The following PLXNA4 variants were observed in gnomAD, a reference collection of about 807,000 sequenced individuals.
The protein encoded by PLXNA4 is plexin A4.
A neutral mutation model predicts 191.8 loss-of-function variants in PLXNA4; 44 were observed. That is an observed-to-expected ratio of 0.23 (90% CI 0.18 to 0.29). PLXNA4 has a LOEUF of 0.29. PLXNA4 is among the 10% of genes least tolerant of loss of function. The pLI, the probability that PLXNA4 is intolerant of heterozygous loss-of-function variation, is 1.00. For synonymous variants in PLXNA4, 1,082 were observed against 1,009.5 expected (o/e 1.07, Z -1.36); for missense variants, 1,800 against 2,488.8 (o/e 0.72, Z 5.89).
In PLXNA4 at chr7:132,447,347, A is replaced by G. The variant is rs1411720293; in HGVS notation, c.1371+41945T>C. Among the ~76,000 whole-genome samples the G allele has an allele frequency of 6.6e-5, 10 of 152,254 alleles. No homozygotes were observed. In the South Asian group the frequency reaches 1.7e-3, roughly 25 times the overall value. On this transcript the variant is annotated intron_variant, in intron 3 of 31. Coordinates refer to ENST00000321063, the MANE Select transcript of PLXNA4 (RefSeq NM_020911.2). ...ATACCTCAGTCCTTCAAGATTCTCAATGGGAAGGGAAGGAGGGGAAAACTG... is the reference window on the plus strand; with the variant it reads ...ATACCTCAGTCCTTCAAGATTCTCAGTGGGAAGGGAAGGAGGGGAAAACTG...
Position 132,480,525 on chromosome 7 carries a change from C to T in PLXNA4, c.1371+8767G>A, listed in dbSNP as rs370181165. 3.9e-5 allele frequency among the ~76,000 whole-genome samples: 6 copies of T among 152,004 alleles called. No individual in the cohort carries two copies. In the East Asian group the frequency reaches 1.2e-3, roughly 29 times the overall value. On this transcript the variant is annotated intron_variant, in intron 3 of 31. Coordinates refer to ENST00000321063, the MANE Select transcript of PLXNA4 (RefSeq NM_020911.2). The stretch of plus-strand genomic sequence containing the variant: ...ACCACAGCACACAGTCCCACAGGCT[C>T]TAGGAGGGACAATTCCGGTGAGAAA...
chr7:132,192,165 C>T (rs1296666167), intron 14 of PLXNA4, among the ~76,000 whole-genome samples: 3 of 152,170 alleles, frequency 2.0e-5, no homozygotes, highest in Non-Finnish European at 4.4e-5. Flanking sequence ...TAAGGTTTGG[C>T]CCTGACCATG....
intron 28 of PLXNA4, among the ~76,000 whole-genome samples, chr7:132,146,268 T>C (rs1584761402): frequency 6.6e-6 from 1 of 151,736 alleles, no homozygotes; most frequent in Non-Finnish European, 1.5e-5. Context: ...GGAGAAGGGG[T>C]AGAAACAAAT....
rs561289856 is a variant in PLXNA4 at position 132,128,825 on chromosome 7, C to G, written c.*1654G>C. 2 of 152,202 alleles carry G rather than the reference C, an allele frequency of 1.3e-5. No homozygotes were observed. Among genetic ancestry groups the G allele is most frequent in the Non-Finnish European group, 2.9e-5 (2 of 68,052 alleles). The allele number at this position is 152,202 out of a possible 1,614,324, so 9.4% of individuals were successfully genotyped here. On this transcript the variant is annotated 3_prime_UTR_variant, in exon 32 of 32. Coordinates refer to ENST00000321063, the MANE Select transcript of PLXNA4 (RefSeq NM_020911.2). ...CTGTGAATCCTTCTCCTCAACCTCA[C>G]CTAAGATGTTTCTCCTTGTCTCCCA...
At chr7:132,563,001 C>T (rs1585347891) in intron 1 of PLXNA4, among the ~76,000 whole-genome samples, 2 of 79,076 alleles carry the variant, frequency 2.5e-5, no homozygotes, top group African/African-American at 9.7e-5. Context: ...CCTCCTCCTC[C>T]TTCTCCTCCT....
chr7:132,330,512 G>A (rs1395769821), intron 3 of PLXNA4, among the ~76,000 whole-genome samples: 1 of 152,232 alleles, frequency 6.6e-6, no homozygotes, highest in Admixed American at 6.5e-5. Flanking sequence ...TCCTGTAGGA[G>A]TCCTGAGTAC....
chr7:132,349,210 G>A (rs1585021406), intron 3 of PLXNA4, among the ~76,000 whole-genome samples: 1 of 152,004 alleles, frequency 6.6e-6, no homozygotes, highest in East Asian at 1.9e-4. Flanking sequence ...TCTTTTAACA[G>A]CACCTTTCAA....
chr7:132,617,638 C>A (rs1466572287), intron 2 of PLXNA4, among the ~76,000 whole-genome samples: 2 of 152,130 alleles, frequency 1.3e-5, no homozygotes, highest in Non-Finnish European at 2.9e-5. Context: ...GGCTTCCTCC[C>A]ATGAAATCTA....
chr7:132,484,488 A>G (rs1389152829), intron 3 of PLXNA4, among the ~76,000 whole-genome samples: 2 of 152,230 alleles, frequency 1.3e-5, no homozygotes, highest in East Asian at 3.8e-4. Context: ...GAAAATGCAG[A>G]CACAATATAG....
intron 3 of PLXNA4, among the ~76,000 whole-genome samples, chr7:132,445,292 C>A (rs1192394809): frequency 3.3e-5 from 5 of 151,764 alleles, no homozygotes; most frequent in African/African-American, 9.7e-5. Flanking sequence ...ATTTCTCGAG[C>A]AGATGCAAAG....
intron 25 of PLXNA4, among the ~76,000 whole-genome samples, chr7:132,155,335 G>A (rs963065802): frequency 1.3e-5 from 2 of 152,212 alleles, no homozygotes; most frequent in Non-Finnish European, 2.9e-5. Flanking sequence ...CTCCATCTGT[G>A]CAGGGGAAGA....
intron 4 of PLXNA4, among the ~76,000 whole-genome samples, chr7:132,267,647 T>C (rs1385821486): frequency 6.6e-6 from 1 of 152,192 alleles, no homozygotes. Context: ...AGCTCTGCCA[T>C]TGGCTTCTTA....
At chr7:132,198,937 T>C (rs1316323885) in intron 12 of PLXNA4, among the ~76,000 whole-genome samples, 1 of 152,106 alleles carries the variant, frequency 6.6e-6, no homozygotes, top group Non-Finnish European at 1.5e-5. Context: ...TCGTAGAAAA[T>C]TGGGATTCAT....
At position 132,365,373 on chromosome 7, in the gene PLXNA4, A is replaced by G. The variant is rs147714598; in HGVS notation, c.1372-67151T>C. 4.8e-3 allele frequency among the ~76,000 whole-genome samples: 351 copies of G among 72,686 alleles called. 4 individuals carry two copies. Among genetic ancestry groups the G allele is most frequent in the Admixed American group, 0.029 (202 of 6,886 alleles). 47.7% of individuals were successfully genotyped at this position (72,686 alleles called of 152,430 possible). On this transcript the variant is annotated intron_variant, in intron 3 of 31. Transcript: ENST00000321063. ...TGTGTGTGTGTGTGCGTGCGCGCGC[A>G]TGCATGGGGCAAGAGTGTGATGGTG...
At chr7:132,224,136 C>A (rs893943053) in intron 8 of PLXNA4, among the ~76,000 whole-genome samples, 1 of 152,176 alleles carries the variant, frequency 6.6e-6, no homozygotes, top group Non-Finnish European at 1.5e-5. Context: ...CCCTTTACCC[C>A]AGGAAACCAA....
At position 132,381,977 on chromosome 7, in the gene PLXNA4, A is replaced by G. The variant is rs79989125; in HGVS notation, c.1372-83755T>C. 5.0e-3 allele frequency among the ~76,000 whole-genome samples: 759 copies of G among 152,264 alleles called. 11 individuals carry two copies. Among genetic ancestry groups the G allele is most frequent in the African/African-American group, 0.017 (716 of 41,532 alleles). ...CTGTTAGTCATTCCAGTTTCTCTCA[A>G]TCAATTATTCACACTCCTGTTTGCT... On this transcript the variant is annotated intron_variant, in intron 3 of 31. Transcript: ENST00000321063.
Position 132,530,609 on chromosome 7 carries a change from A to G in PLXNA4, c.-86-21830T>C, listed in dbSNP as rs187422824. On this transcript the variant is annotated intron_variant, in intron 1 of 31. Transcript: ENST00000321063. The stretch of plus-strand genomic sequence containing the variant: ...GTAACAAGTATTGGTGAAGATGTGG[A>G]AAAATGGGAACTCTTGGATACTGCT... Among the ~76,000 whole-genome samples the G allele has an allele frequency of 2.0e-5, 3 of 152,356 alleles. No individual in the cohort carries two copies. In the East Asian group the frequency reaches 5.8e-4, roughly 29 times the overall value.
chr7:132,390,700 C>T (rs1211575796), intron 3 of PLXNA4, among the ~76,000 whole-genome samples: 1 of 152,058 alleles, frequency 6.6e-6, no homozygotes, highest in Non-Finnish European at 1.5e-5. Flanking sequence ...CCCATGAGTC[C>T]CAGCCCCCTT....
At chr7:132,414,393 C>CT (rs1346862865) in intron 3 of PLXNA4, among the ~76,000 whole-genome samples, 1 of 152,072 alleles carries the variant, frequency 6.6e-6, no homozygotes, top group Non-Finnish European at 1.5e-5. Context: ...ATCATGTAAC[C>CT]TTTTTGCTGC....
Sources: allele counts gnomAD v4.1 joint callset (sites outside exome capture counted in the v4.1 genomes callset), GRCh38; gene constraint gnomAD v4.1.1; transcripts MANE v1.5; gene names NCBI Gene and HGNC (gene_info 2026-07-23, HGNC 2026-07-21).